Variants in DZIP1L observed in about 807,000 individuals in gnomAD.
DZIP1L encodes cilium assembly protein DZIP1L.
DZIP1L carries 90 observed loss-of-function variants against 88.7 expected under a neutral mutation model. The ratio of observed to expected loss-of-function variants is 1.02; its 90% confidence interval spans 0.86 to 1.21. The LOEUF is 1.21. Ranked by LOEUF, DZIP1L falls within the 50% of genes most tolerant of loss-of-function variation. The pLI is 0.00. For synonymous variants in DZIP1L, 363 were observed against 372.1 expected, an observed-to-expected ratio of 0.98 and a Z score of 0.28; for missense variants, 932 against 955.8, an observed-to-expected ratio of 0.98 and a Z score of 0.33.
intron 8 of DZIP1L, among the ~76,000 whole-genome samples, chr3:138,082,502 G>C (rs1420516435): frequency 6.6e-6 from 1 of 152,176 alleles, no homozygotes; most frequent in Non-Finnish European, 1.5e-5. Flanking sequence ...TATAGAGAAA[G>C]GAACAGAGAC....
At chr3:138,107,660 C>T (rs1422547167) in intron 1 of DZIP1L, among the ~76,000 whole-genome samples, 5 of 152,300 alleles carry the variant, frequency 3.3e-5, no homozygotes, top group Admixed American at 2.0e-4. Flanking sequence ...TAAAATATTG[C>T]TTTGATCAGA....
intron 2 of DZIP1L, chr3:138,101,392 C>CCTGCACAGCAGCCTG (rs2042306629): frequency 1.5e-6 from 1 of 684,886 alleles, no homozygotes; most frequent in Non-Finnish European, 2.6e-6. Flanking sequence ...TCTCCCGTTC[C>CCTGCACAGCAGCCTG]CTGTGCTACC....
intron 11 of DZIP1L, among the ~76,000 whole-genome samples, 177 bp from the exon 12 acceptor site, chr3:138,072,012 T>C (rs1268271216): frequency 2.0e-5 from 3 of 152,186 alleles, no homozygotes; most frequent in Non-Finnish European, 4.4e-5. Flanking sequence ...GGCTTCAAAG[T>C]TGCTGAAAGT....
intron 2 of DZIP1L, chr3:138,101,458 G>A (rs1576495134): frequency 5.4e-6 from 4 of 745,192 alleles, no homozygotes; most frequent in East Asian, 2.4e-5. Flanking sequence ...GGGCAGGCTG[G>A]GAGGGGCTGC....
In DZIP1L at chr3:138,064,701, G is replaced by T. The variant is rs1942817845; in HGVS notation, c.2069C>A (p.Ala690Asp). 6.2e-7 allele frequency: 1 copy of T among 1,612,482 alleles called. No individual in the cohort carries two copies. The highest frequency in any genetic ancestry group is 1.3e-5 in the African/African-American group (1 of 74,904). The change falls in exon 15 of 16, where the codon GCT (alanine) becomes GAT (aspartate). Residue 690 changes from alanine to aspartate, a missense_variant. Coordinates refer to ENST00000327532, the MANE Select transcript of DZIP1L (RefSeq NM_173543.3). Reference protein sequence around the residue: ...KQLEAPAKKPAGGVSLFFMPN... With the variant: ...KQLEAPAKKPDGGVSLFFMPN... ...CATAAAAAACAGACTGACCCCTCCA[G>T]CAGGCTTCTTTGCTGGAGCTTCTAG...
chr3:138,063,041 A>C lies in DZIP1L; in HGVS notation c.2143-64T>G. 6.4e-7 allele frequency: 1 copy of C among 1,562,540 alleles called. No individual in the cohort carries two copies. Among genetic ancestry groups the C allele is most frequent in the South Asian group, 1.1e-5 (1 of 87,974 alleles). On this transcript the variant is annotated intron_variant, in intron 15 of 15. Coordinates refer to ENST00000327532, the MANE Select transcript of DZIP1L (RefSeq NM_173543.3). The surrounding 1 kb of genome is among the most constrained non-coding windows in gnomAD (Gnocchi z 4.1). ...AAGGGAGGAGGGTGGCTGAGAGCTAAGCACATTGCAGGATGGGAATGCAGA... is the reference window on the plus strand; with the variant it reads ...AAGGGAGGAGGGTGGCTGAGAGCTACGCACATTGCAGGATGGGAATGCAGA...
intron 2 of DZIP1L, among the ~76,000 whole-genome samples, chr3:138,101,084 T>C (rs2107837006): frequency 6.6e-6 from 1 of 152,160 alleles, no homozygotes; most frequent in East Asian, 1.9e-4. Flanking sequence ...ATGCACGCAC[T>C]CACACCCTCT....
At chr3:138,079,684 T>C (rs75248364) in intron 10 of DZIP1L, among the ~76,000 whole-genome samples, 1,830 of 152,340 alleles carry the variant, frequency 0.012, 41 homozygotes, top group African/African-American at 0.041. Flanking sequence ...AAGGGAGGCC[T>C]GCTTCTCACT....
intron 11 of DZIP1L, among the ~76,000 whole-genome samples, chr3:138,074,520 C>T (rs181427398): frequency 8.5e-5 from 13 of 152,182 alleles, no homozygotes; most frequent in East Asian, 3.9e-4. Flanking sequence ...TGAGAGAATC[C>T]GCCACTACCA....
At chr3:138,074,357 T>C (rs1186759461) in intron 11 of DZIP1L, among the ~76,000 whole-genome samples, 2 of 152,202 alleles carry the variant, frequency 1.3e-5, no homozygotes, top group Non-Finnish European at 2.9e-5. Flanking sequence ...TAACAGCAGA[T>C]TTCTCAGCAG....
intron 3 of DZIP1L, among the ~76,000 whole-genome samples, chr3:138,097,130 C>T (rs1289147131): frequency 1.3e-5 from 2 of 150,500 alleles, no homozygotes; most frequent in Admixed American, 6.6e-5. Context: ...GCAATGGAGC[C>T]GAGATCAAGC....
Position 138,071,813 on chromosome 3 carries a change from T to A in DZIP1L, c.1445A>T (p.Gln482Leu), listed in dbSNP as rs768572145. Residue 482 changes from glutamine (Q) to leucine (L), a missense_variant, in exon 12 of 16, where the codon CAG becomes CTG. Transcript: ENST00000327532. ...IRKDAKGISIQTLRHLESLLR... is the reference protein window; with the variant it reads ...IRKDAKGISILTLRHLESLLR... The stretch of plus-strand genomic sequence containing the variant: ...CAGGGATTCCAGGTGTCTGAGAGTC[T>A]GAATCGAGATTCCCTTTGCATCCTA... The A allele has an allele frequency of 1.2e-5, 19 of 1,613,566 alleles. No individual in the cohort carries two copies. Among genetic ancestry groups the A allele is most frequent in the Non-Finnish European group, 1.6e-5 (19 of 1,179,830 alleles).
At chr3:138,094,257 A>G (rs1325604445) in intron 4 of DZIP1L, among the ~76,000 whole-genome samples, 1 of 152,270 alleles carries the variant, frequency 6.6e-6, no homozygotes, top group Non-Finnish European at 1.5e-5. Context: ...AAGTGAGCAC[A>G]TACTGTTGGA....
At chr3:138,106,869 A>G (rs1010295229) in intron 1 of DZIP1L, among the ~76,000 whole-genome samples, 3 of 147,738 alleles carry the variant, frequency 2.0e-5, no homozygotes, top group African/African-American at 7.5e-5. Context: ...CAAAAAAAAA[A>G]GAGAGAGAGA....
rs575749924 is a variant in DZIP1L, at chr3:138,083,494, G to A, written c.1203+619C>T. Among the ~76,000 whole-genome samples, 3 of 152,336 alleles carry A rather than the reference G, an allele frequency of 2.0e-5. No individual in the cohort carries two copies. The East Asian group carries it at 5.8e-4, about 29-fold the overall frequency. ...CTCAGCCTCGACTGGGCAGAGAATTGTCAGCAACAGGTAAAGAGTCACAGG... is the reference window on the plus strand; with the variant it reads ...CTCAGCCTCGACTGGGCAGAGAATTATCAGCAACAGGTAAAGAGTCACAGG... On this transcript the variant is annotated intron_variant, in intron 8 of 15. Transcript: ENST00000327532.
chr3:138,097,960 T>A, intron 2 of DZIP1L, 113 bp from the exon 3 acceptor site: 1 of 840,900 alleles, frequency 1.2e-6, no homozygotes, highest in Non-Finnish European at 1.9e-6. Flanking sequence ...GCTTCAGAAA[T>A]AAAGAATTTA....
intron 11 of DZIP1L, 125 bp from the exon 12 acceptor site, chr3:138,071,960 G>A: frequency 1.1e-6 from 1 of 902,908 alleles, no homozygotes; most frequent in Non-Finnish European, 1.6e-6. Flanking sequence ...TTTCTTGCAG[G>A]ACTGGGGGGC....
rs114470908 is a variant in DZIP1L at position 138,096,510 on chromosome 3, G to A, written c.586+1253C>T. The stretch of plus-strand genomic sequence containing the variant: ...TATTCTTAAATGAAAATAAGCAATA[G>A]TCAAAGCGCACATTATATGATTATA... On this transcript the variant is annotated intron_variant, in intron 3 of 15. Transcript: ENST00000327532. Among the ~76,000 whole-genome samples, 1,255 of 152,280 alleles carry A rather than the reference G, an allele frequency of 8.2e-3. 2 individuals carry two copies. The highest frequency in any genetic ancestry group is 0.034 in the Middle Eastern group (10 of 294).
At chr3:138,087,998 T>C (rs1275958175) in intron 6 of DZIP1L, among the ~76,000 whole-genome samples, 1 of 152,216 alleles carries the variant, frequency 6.6e-6, no homozygotes, top group Non-Finnish European at 1.5e-5. Flanking sequence ...AATTAAAGCT[T>C]TTTTAATTCC....
Sources: gnomAD v4.1 joint callset for allele counts (sites outside exome capture counted in the v4.1 genomes callset) on GRCh38, gnomAD v4.1.1 for gene constraint, Gnocchi (gnomAD v3.1) non-coding constraint, MANE v1.5 for transcripts, NCBI Gene and HGNC (gene_info 2026-07-23, HGNC 2026-07-21) for gene names.